The following PPARGC1A variants were observed in gnomAD, a reference collection of about 807,000 sequenced individuals.
PPARGC1A encodes the protein PPARG coactivator 1 alpha, also known as peroxisome proliferator-activated receptor gamma coactivator 1-alpha.
In PPARGC1A, 25 loss-of-function variants were observed where a neutral mutation model predicts 88.7. That is an observed-to-expected ratio of 0.28 (90% CI 0.21 to 0.39). PPARGC1A has a LOEUF of 0.39. Ranked by LOEUF, PPARGC1A falls within the 10% of genes least tolerant of loss-of-function variation. The pLI is 1.00. For synonymous variants in PPARGC1A, 363 were observed against 355.6 expected, an observed-to-expected ratio of 1.02 and a Z score of -0.24; for missense variants, 880 against 968.7, an observed-to-expected ratio of 0.91 and a Z score of 1.22.
chr4:24,049,504 G>A, the PPARGC1A span, among the ~76,000 whole-genome samples: 5 of 151,810 alleles, frequency 3.3e-5, no homozygotes, highest in Non-Finnish European at 7.4e-5. Flanking sequence ...AAAACGGGAA[G>A]AGAGTGAATC....
the PPARGC1A span, among the ~76,000 whole-genome samples, chr4:24,275,823 C>T: frequency 6.6e-6 from 1 of 152,068 alleles, no homozygotes; most frequent in African/African-American, 2.4e-5. Flanking sequence ...GCATGCACTG[C>T]CAATACAAAT....
At chr4:24,271,133 A>C in the PPARGC1A span, among the ~76,000 whole-genome samples, 1 of 152,260 alleles carries the variant, frequency 6.6e-6, no homozygotes, top group Non-Finnish European at 1.5e-5. Flanking sequence ...GAAATGTATT[A>C]GAAATCATTA....
At chr4:24,247,688 T>C in the PPARGC1A span, among the ~76,000 whole-genome samples, 1 of 152,190 alleles carries the variant, frequency 6.6e-6, no homozygotes, top group Non-Finnish European at 1.5e-5. Context: ...GGTAAGTGTA[T>C]GCAGTGTGTG....
At chr4:24,091,865 G>A in the PPARGC1A span, among the ~76,000 whole-genome samples, 1 of 151,506 alleles carries the variant, frequency 6.6e-6, no homozygotes. Context: ...GAAGTGTGCA[G>A]GCTTGCTCTA....
At chr4:24,221,884 C>G in the PPARGC1A span, among the ~76,000 whole-genome samples, 11 of 152,164 alleles carry the variant, frequency 7.2e-5, no homozygotes, top group African/African-American at 2.7e-4. Flanking sequence ...GTTCTTCACT[C>G]AAAGTTCACC....
the PPARGC1A span, among the ~76,000 whole-genome samples, chr4:24,083,481 G>C: frequency 6.6e-6 from 1 of 152,128 alleles, no homozygotes; most frequent in African/African-American, 2.4e-5. Context: ...TCCAGGTCCT[G>C]TTCACAAGCC....
chr4:23,872,195 T>C (rs1713521994), intron 2 of PPARGC1A, among the ~76,000 whole-genome samples: 1 of 152,044 alleles, frequency 6.6e-6, no homozygotes. Context: ...TACCAAACAG[T>C]TCTCATCCAT....
the PPARGC1A span, among the ~76,000 whole-genome samples, chr4:24,168,495 T>C: frequency 6.6e-6 from 1 of 152,228 alleles, no homozygotes; most frequent in Admixed American, 6.5e-5. Context: ...TCTTACATCA[T>C]TCTCCAATAA....
At chr4:24,034,770 AG>A in the PPARGC1A span, among the ~76,000 whole-genome samples, 1 of 152,262 alleles carries the variant, frequency 6.6e-6, no homozygotes, top group Non-Finnish European at 1.5e-5. Context: ...GACATTTTAA[AG>A]TAAGTGATTG....
the PPARGC1A span, among the ~76,000 whole-genome samples, chr4:24,452,879 C>T: frequency 0.28 from 43,313 of 152,016 alleles, 7,935 homozygotes; most frequent in African/African-American, 0.51. Flanking sequence ...AGGCAAATGA[C>T]GGGGGTGTAA....
the PPARGC1A span, among the ~76,000 whole-genome samples, chr4:24,257,622 G>A: frequency 6.6e-6 from 1 of 152,176 alleles, no homozygotes; most frequent in South Asian, 2.1e-4. Flanking sequence ...CCCCTGGACT[G>A]TAACCTGGTT....
At chr4:23,920,251 C>T in the PPARGC1A span, among the ~76,000 whole-genome samples, 19 of 152,206 alleles carry the variant, frequency 1.2e-4, no homozygotes, top group African/African-American at 4.6e-4. Context: ...AGGGAAGCTT[C>T]TACCGGTGGG....
chr4:23,974,474 A>G, the PPARGC1A span, among the ~76,000 whole-genome samples: 22,452 of 152,220 alleles, frequency 0.15, 2,305 homozygotes, highest in Admixed American at 0.3. Flanking sequence ...ATAAATATTT[A>G]TTGAATTAAA....
At chr4:24,172,994 T>G in the PPARGC1A span, among the ~76,000 whole-genome samples, 1 of 152,172 alleles carries the variant, frequency 6.6e-6, no homozygotes, top group African/African-American at 2.4e-5. Flanking sequence ...CAACCATTAC[T>G]TTTCGAACAT....
chr4:23,937,316 A>T, the PPARGC1A span, among the ~76,000 whole-genome samples: 1 of 152,026 alleles, frequency 6.6e-6, no homozygotes, highest in African/African-American at 2.4e-5. Context: ...AAATATCCCC[A>T]TGCAATGTGC....
the PPARGC1A span, among the ~76,000 whole-genome samples, chr4:24,049,296 ATATATATGTGTG>A: frequency 4.7e-4 from 26 of 55,080 alleles, no homozygotes; most frequent in African/African-American, 8.8e-4. Context: ...ATGTGTGTAT[ATATATATGTGTG>A]TATATATATA....
the PPARGC1A span, among the ~76,000 whole-genome samples, chr4:24,067,788 G>C: frequency 6.6e-6 from 1 of 152,128 alleles, no homozygotes; most frequent in Admixed American, 6.5e-5. Context: ...TTCCCATCTC[G>C]AGCACTTCAC....
the PPARGC1A span, among the ~76,000 whole-genome samples, chr4:23,910,142 CTATAT>C: frequency 8.9e-6 from 1 of 112,360 alleles, no homozygotes; most frequent in Non-Finnish European, 1.7e-5. Flanking sequence ...AAATATATAT[CTATAT>C]TATATATAAT....
the PPARGC1A span, among the ~76,000 whole-genome samples, chr4:23,947,372 TATATATATATATATATATATATATAAAA>T: frequency 0.012 from 249 of 20,850 alleles, 9 homozygotes; most frequent in East Asian, 0.048. Flanking sequence ...TATATATATA[TATATATATATATATATATATATATAAAA>T]AAAACGGTGA....
Sources: gnomAD v4.1 joint callset for allele counts (sites outside exome capture counted in the v4.1 genomes callset) on GRCh38, gnomAD v4.1.1 for gene constraint, MANE v1.5 for transcripts, NCBI Gene and HGNC (gene_info 2026-07-23, HGNC 2026-07-21) for gene names.